Variants in MAP6 observed in about 807,000 individuals in gnomAD.
MAP6 encodes microtubule-associated protein 6.
MAP6 carries 26 observed loss-of-function variants against 42.4 expected under a neutral mutation model. The ratio of observed to expected loss-of-function variants is 0.61; its 90% CI spans 0.45 to 0.85. The LOEUF (loss-of-function observed/expected upper bound fraction) is 0.85, where lower values mean the gene tolerates loss of function less well. Among genes scored for constraint, MAP6 ranks in the 40% least tolerant of loss-of-function variants. The probability of loss-of-function intolerance (pLI) is 0.00; values close to 1 mark genes in which losing one functional copy is unlikely to be tolerated. For synonymous variants in MAP6, 418 were observed against 443.8 expected, an observed-to-expected ratio of 0.94 and a Z score of 0.73; for missense variants, 966 against 1,099.0, an observed-to-expected ratio of 0.88 and a Z score of 1.71.
chr11:75,607,750 G>T (rs964580989), intron 2 of MAP6: 1 of 847,580 alleles, frequency 1.2e-6, no homozygotes, highest in Non-Finnish European at 1.4e-6. Flanking sequence ...ACAATACTGG[G>T]CCAGCCCTTC....
chr11:75,620,314 T>C (rs1231545439), intron 1 of MAP6, among the ~76,000 whole-genome samples: 1 of 151,536 alleles, frequency 6.6e-6, no homozygotes, highest in Non-Finnish European at 1.5e-5. Flanking sequence ...TATGAAAATA[T>C]ATATAAATTA....
intron 1 of MAP6, among the ~76,000 whole-genome samples, chr11:75,649,948 T>C (rs1453615451): frequency 2.0e-5 from 3 of 152,088 alleles, no homozygotes; most frequent in Non-Finnish European, 2.9e-5. Context: ...ACCCAGAAAA[T>C]GCTTTGAGGA....
At chr11:75,644,327 T>C (rs1217143187) in intron 1 of MAP6, among the ~76,000 whole-genome samples, 2 of 152,290 alleles carry the variant, frequency 1.3e-5, no homozygotes, top group East Asian at 1.9e-4. Flanking sequence ...TCTGAATCTA[T>C]CTATCTGACA....
intron 3 of MAP6, chr11:75,603,873 G>T (rs1205113144): frequency 1.0e-6 from 1 of 985,290 alleles, no homozygotes; most frequent in African/African-American, 1.7e-5. Flanking sequence ...TCCAAATTGT[G>T]GCTAGCATCA....
At chr11:75,620,936 C>T (rs1943098171) in intron 1 of MAP6, among the ~76,000 whole-genome samples, 9 of 152,110 alleles carry the variant, frequency 5.9e-5, no homozygotes, top group Admixed American at 5.9e-4. Context: ...AGAGACCATC[C>T]TGGCTAACAC....
chr11:75,597,671 G>A (rs968182732), intron 3 of MAP6, among the ~76,000 whole-genome samples: 3 of 152,166 alleles, frequency 2.0e-5, no homozygotes, highest in Non-Finnish European at 4.4e-5. Context: ...CGGATCTTGA[G>A]CAATTAATCA....
chr11:75,618,384 A>C (rs1458048318), intron 1 of MAP6, among the ~76,000 whole-genome samples: 1 of 151,878 alleles, frequency 6.6e-6, no homozygotes, highest in Non-Finnish European at 1.5e-5. Context: ...AGGTGGGAGG[A>C]TCACTTGAGA....
At chr11:75,642,959 C>T (rs940322282) in intron 1 of MAP6, 3 of 430,990 alleles carry the variant, frequency 7.0e-6, no homozygotes, top group African/African-American at 3.9e-5. Context: ...TGTCAGAATA[C>T]ACTTGTTTGT....
intron 3 of MAP6, among the ~76,000 whole-genome samples, chr11:75,602,681 T>C (rs1049574342): frequency 2.0e-5 from 3 of 152,132 alleles, no homozygotes; most frequent in Admixed American, 6.5e-5. Flanking sequence ...TCCCAAAACT[T>C]AGCTCTGACT....
At chr11:75,661,802 C>T (rs1192726011) in intron 1 of MAP6, among the ~76,000 whole-genome samples, 1 of 151,984 alleles carries the variant, frequency 6.6e-6, no homozygotes, top group East Asian at 1.9e-4. Flanking sequence ...TGAAACCATA[C>T]CAGATGTCCT....
At chr11:75,588,215 G>A in intron 3 of MAP6, 31 bp from the exon 4 acceptor site, 3 of 1,588,134 alleles carry the variant, frequency 1.9e-6, no homozygotes, top group Non-Finnish European at 2.6e-6. Flanking sequence ...ATCACTGTGA[G>A]AGTAGAGCTC....
Position 75,667,712 on chromosome 11 carries a change from C to CG in MAP6, c.657dup (p.Gly220ArgfsTer85). On this transcript the variant is annotated frameshift_variant, in exon 1 of 4. Coordinates refer to ENST00000304771, the MANE Select transcript of MAP6 (RefSeq NM_033063.2). LOFTEE classifies it high-confidence loss of function. The surrounding 1 kb of genome is among the most constrained non-coding windows in gnomAD (Gnocchi z 5.6). ...CCGGCCGCCAGGCCACCCGCTCCGCCGGGGGCCGCCTCCTGCTCCCGGGCC... is the reference window on the plus strand; with the variant it reads ...CCGGCCGCCAGGCCACCCGCTCCGCCGGGGGGCCGCCTCCTGCTCCCGGGCC... 3 of 1,286,022 alleles carry CG rather than the reference C, an allele frequency of 2.3e-6. No individual in the cohort carries two copies. Among genetic ancestry groups the CG allele is most frequent in the South Asian group, 2.6e-5 (1 of 38,584 alleles). 79.7% of individuals were successfully genotyped at this position (1,286,022 alleles called of 1,614,324 possible).
At chr11:75,609,187 G>A (rs1942840047) in intron 1 of MAP6, among the ~76,000 whole-genome samples, 1 of 152,158 alleles carries the variant, frequency 6.6e-6, no homozygotes, top group African/African-American at 2.4e-5. Context: ...AGAGTAGATG[G>A]CTGACAATGT....
intron 1 of MAP6, among the ~76,000 whole-genome samples, chr11:75,615,596 A>T (rs1942982356): frequency 6.6e-6 from 1 of 152,182 alleles, no homozygotes; most frequent in South Asian, 2.1e-4. Flanking sequence ...CAGATAATCA[A>T]ATATCTGTGA....
chr11:75,647,342 C>A (rs1214989350), intron 1 of MAP6, among the ~76,000 whole-genome samples: 1 of 73,924 alleles, frequency 1.4e-5, no homozygotes, highest in South Asian at 4.2e-4. Flanking sequence ...AAAAACCCAC[C>A]TGATCAAAAA....
intron 1 of MAP6, among the ~76,000 whole-genome samples, chr11:75,630,854 A>ATAATG (rs761636408): frequency 2.0e-5 from 3 of 152,256 alleles, no homozygotes; most frequent in Non-Finnish European, 4.4e-5. Flanking sequence ...CCTTTTAAGA[A>ATAATG]CAATTGTCCA....
At position 75,666,396 on chromosome 11, in the gene MAP6, G is replaced by A. The variant is rs77275364; in HGVS notation, c.905+1069C>T. 3.2e-4 allele frequency among the ~76,000 whole-genome samples: 49 copies of A among 152,358 alleles called. No individual in the cohort carries two copies. The East Asian group carries it at 6.7e-3, about 21-fold the overall frequency. ...GGAAAATTCTAGAAGGAAAGAGAGA[G>A]AGAGATTTTCATGCTTGAAAGCATT... is the stretch of plus-strand genomic sequence containing the variant. On this transcript the variant is annotated intron_variant, in intron 1 of 3. Coordinates refer to ENST00000304771, the MANE Select transcript of MAP6 (RefSeq NM_033063.2).
At chr11:75,660,309 C>T (rs75362413) in intron 1 of MAP6, among the ~76,000 whole-genome samples, 1 of 152,164 alleles carries the variant, frequency 6.6e-6, no homozygotes, top group Non-Finnish European at 1.5e-5. Context: ...TCTATATTTA[C>T]AGCCCAGGCC....
chr11:75,633,018 T>C (rs957855428), intron 1 of MAP6, among the ~76,000 whole-genome samples: 5 of 151,636 alleles, frequency 3.3e-5, no homozygotes, highest in African/African-American at 4.8e-5. Flanking sequence ...TTCTTTTTTT[T>C]TTTTTGGCAT....
Sources: allele counts gnomAD v4.1 joint callset (sites outside exome capture counted in the v4.1 genomes callset), GRCh38; gene constraint gnomAD v4.1.1; non-coding constraint Gnocchi (gnomAD v3.1); transcripts MANE v1.5; gene names NCBI Gene and HGNC (gene_info 2026-07-23, HGNC 2026-07-21).